CAMTA1: variants seen among roughly 807,000 people sequenced by gnomAD.
The protein encoded by CAMTA1 is calmodulin-binding transcription activator 1.
CAMTA1 carries 27 observed loss-of-function variants against 170.9 expected under a neutral mutation model. That is an observed-to-expected ratio of 0.16 (90% CI 0.12 to 0.22). The LOEUF (loss-of-function observed/expected upper bound fraction) is 0.22, where lower values mean the gene tolerates loss of function less well. Among genes scored for constraint, CAMTA1 ranks in the 10% least tolerant of loss-of-function variants. The pLI is 1.00. For synonymous variants in CAMTA1, 833 were observed against 891.5 expected, an observed-to-expected ratio of 0.93 and a Z score of 1.17; for missense variants, 1,619 against 2,217.2, an observed-to-expected ratio of 0.73 and a Z score of 5.42.
In CAMTA1 at chr1:7,033,660, C is replaced by G. The variant is rs1042502060; in HGVS notation, c.235-57644C>G. On this transcript the variant is annotated intron_variant, in intron 3 of 22. Coordinates refer to ENST00000303635, the MANE Select transcript of CAMTA1 (RefSeq NM_015215.4). ...CAGGCTGGAGTGCTGTGGCGGTGAT[C>G]TCGGCTCACTGCAACCTCCGCCTCC... Among the ~76,000 whole-genome samples the G allele has an allele frequency of 7.7e-5, 10 of 129,516 alleles. No individual in the cohort carries two copies. In the South Asian group the frequency reaches 2.5e-3, roughly 32 times the overall value. The allele number at this position is 129,516 out of a possible 152,430, so 85.0% of individuals were successfully genotyped here. A position where few individuals can be genotyped will look rare whatever the true frequency, so the allele number is the denominator to read the frequency against.
At chr1:7,560,927 G>C (rs2094948091) in intron 6 of CAMTA1, among the ~76,000 whole-genome samples, 1 of 152,176 alleles carries the variant, frequency 6.6e-6, no homozygotes, top group African/African-American at 2.4e-5. Context: ...CTAGAGCCCA[G>C]ATTTATCCAG....
chr1:7,670,319 A>C (rs2096047772), intron 9 of CAMTA1, among the ~76,000 whole-genome samples: 2 of 152,090 alleles, frequency 1.3e-5, no homozygotes, highest in East Asian at 3.9e-4. Context: ...TCCTTCACTT[A>C]GCTCCTTTAG....
chr1:7,348,999 T>C (rs548075805), intron 5 of CAMTA1, among the ~76,000 whole-genome samples: 126 of 152,340 alleles, frequency 8.3e-4, no homozygotes, highest in African/African-American at 2.9e-3. Flanking sequence ...TCAGCCACAG[T>C]GAATCATTTC....
chr1:7,590,776 C>T (rs2095349530), intron 6 of CAMTA1, among the ~76,000 whole-genome samples: 1 of 152,230 alleles, frequency 6.6e-6, no homozygotes, highest in African/African-American at 2.4e-5. Context: ...GGGTGTCAGA[C>T]TCTGGCAGCA....
chr1:7,745,766 C>T, intron 17 of CAMTA1, 79 bp from the exon 18 acceptor site: 2 of 1,564,572 alleles, frequency 1.3e-6, no homozygotes, highest in Non-Finnish European at 1.8e-6. Flanking sequence ...CAGATACCAT[C>T]TTGGCTCATT....
intron 5 of CAMTA1, among the ~76,000 whole-genome samples, chr1:7,399,693 G>C: frequency 6.6e-6 from 1 of 152,246 alleles, no homozygotes; most frequent in African/African-American, 2.4e-5. Context: ...AGCTTTGCTT[G>C]TCTGGGACAG....
At chr1:7,116,977 C>CT (rs905295574) in intron 4 of CAMTA1, among the ~76,000 whole-genome samples, 1,486 of 142,668 alleles carry the variant, frequency 0.01, 25 homozygotes, top group African/African-American at 0.035. Context: ...GAAATAACTA[C>CT]TTTTTTTTTT....
intron 6 of CAMTA1, among the ~76,000 whole-genome samples, chr1:7,576,000 AGTTTT>A (rs772547161): frequency 1.6e-4 from 25 of 152,112 alleles, no homozygotes; most frequent in Admixed American, 5.9e-4. Flanking sequence ...ACTGGGGCTC[AGTTTT>A]GTTTTGTTTT....
intron 6 of CAMTA1, among the ~76,000 whole-genome samples, chr1:7,493,290 AAC>A (rs754180505): frequency 1.7e-4 from 21 of 121,098 alleles, no homozygotes; most frequent in South Asian, 2.8e-4. Flanking sequence ...CACGCGCACA[AAC>A]ACAAACATAC....
At chr1:7,715,062 A>C (rs753710261) in intron 11 of CAMTA1, among the ~76,000 whole-genome samples, 11 of 152,148 alleles carry the variant, frequency 7.2e-5, no homozygotes, top group African/African-American at 2.7e-4. Flanking sequence ...CTGTAACATC[A>C]TGAGTCCTGA....
intron 6 of CAMTA1, among the ~76,000 whole-genome samples, chr1:7,475,033 C>T (rs1366560090): frequency 1.3e-5 from 2 of 152,248 alleles, no homozygotes; most frequent in Non-Finnish European, 2.9e-5. Flanking sequence ...GGGGACCTCT[C>T]CACCCGGATG....
intron 6 of CAMTA1, among the ~76,000 whole-genome samples, chr1:7,590,126 G>A (rs1046499910): frequency 2.0e-5 from 3 of 152,178 alleles, no homozygotes; most frequent in African/African-American, 7.2e-5. Flanking sequence ...TGCCCGTACA[G>A]GGTGTCCCAG....
At chr1:6,821,357 T>A (rs980131355) in intron 2 of CAMTA1, among the ~76,000 whole-genome samples, 2 of 152,192 alleles carry the variant, frequency 1.3e-5, no homozygotes, top group African/African-American at 4.8e-5. Context: ...ATGGCTGTAT[T>A]TGCTGCTGTG....
rs1181670607 is a variant in CAMTA1, at chr1:7,736,029, C to T, written c.3067-315C>T. 6.6e-6 allele frequency among the ~76,000 whole-genome samples: 1 copy of T among 152,102 alleles called. No individual in the cohort carries two copies. Among genetic ancestry groups the T allele is most frequent in the East Asian group, 1.9e-4 (1 of 5,182 alleles). ...ACCACAAGAGATCTGCCCGCCTCAG[C>T]CTCCCAAAGTGCTGGGATTTCAGGC... On this transcript the variant is annotated intron_variant, in intron 12 of 22. Transcript: ENST00000303635. This position sits in a 1 kb window ranked among gnomAD's most constrained non-coding sequence, Gnocchi z 4.5.
intron 5 of CAMTA1, among the ~76,000 whole-genome samples, chr1:7,395,241 T>G (rs2089197163): frequency 6.6e-6 from 1 of 152,212 alleles, no homozygotes; most frequent in African/African-American, 2.4e-5. Context: ...TCCATTTTGT[T>G]TTTTTGTATG....
intron 3 of CAMTA1, among the ~76,000 whole-genome samples, chr1:6,959,095 C>T (rs564117802): frequency 3.3e-5 from 5 of 152,096 alleles, no homozygotes; most frequent in African/African-American, 4.8e-5. Context: ...TCCTTGCTGC[C>T]GACAATTCAA....
intron 5 of CAMTA1, among the ~76,000 whole-genome samples, chr1:7,302,652 T>C (rs1043834418): frequency 3.9e-5 from 6 of 152,216 alleles, no homozygotes; most frequent in African/African-American, 1.2e-4. Context: ...TTGGGGGGCT[T>C]CATCTGTTTC....
At chr1:7,538,623 C>T (rs974041302) in intron 6 of CAMTA1, among the ~76,000 whole-genome samples, 3 of 152,196 alleles carry the variant, frequency 2.0e-5, no homozygotes, top group Non-Finnish European at 2.9e-5. Context: ...GCACTCCAGC[C>T]TGGATGACAG....
chr1:7,675,085 C>G (rs2096102498), intron 10 of CAMTA1, among the ~76,000 whole-genome samples: 1 of 152,164 alleles, frequency 6.6e-6, no homozygotes, highest in Non-Finnish European at 1.5e-5. Flanking sequence ...CATGGATGAG[C>G]AGAGGCCTCT....
Sources: allele counts gnomAD v4.1 joint callset (sites outside exome capture counted in the v4.1 genomes callset), GRCh38; gene constraint gnomAD v4.1.1; non-coding constraint Gnocchi (gnomAD v3.1); transcripts MANE v1.5; gene names NCBI Gene and HGNC (gene_info 2026-07-23, HGNC 2026-07-21).